Variants in BIRC6 observed in about 807,000 individuals in gnomAD.
BIRC6 encodes the protein dual E2 ubiquitin-conjugating enzyme/E3 ubiquitin-protein ligase BIRC6.
A neutral mutation model predicts 503.3 loss-of-function variants in BIRC6; 98 were observed. That is an observed-to-expected ratio of 0.19 (90% confidence interval 0.17 to 0.23). The LOEUF is 0.23. Ranked by LOEUF, BIRC6 falls within the 10% of genes least tolerant of loss-of-function variation. The pLI is 1.00. For missense variants in BIRC6, 5,360 were observed against 5,806.0 expected, an observed-to-expected ratio of 0.92 and a Z score of 2.50; for synonymous variants, 2,240 against 2,078.7, an observed-to-expected ratio of 1.08 and a Z score of -2.11.
intron 33 of BIRC6, among the ~76,000 whole-genome samples, chr2:32,473,904 C>T (rs916671069): frequency 2.6e-5 from 4 of 151,696 alleles, no homozygotes; most frequent in Non-Finnish European, 5.9e-5. Context: ...CAGCTGTGTG[C>T]CACAGTGCCA....
chr2:32,529,599 AG>A, intron 59 of BIRC6, 51 bp from the exon 60 acceptor site: 1 of 1,422,314 alleles, frequency 7.0e-7, no homozygotes, highest in Non-Finnish European at 9.4e-7. Flanking sequence ...AATTAAACCA[AG>A]TAAATGTTTC....
At chr2:32,573,949 T>C (rs982770382) in intron 65 of BIRC6, among the ~76,000 whole-genome samples, 2 of 152,196 alleles carry the variant, frequency 1.3e-5, no homozygotes, top group African/African-American at 4.8e-5. Context: ...TAACTAGATA[T>C]TTAGTTACAT....
chr2:32,369,706 G>T (rs889339878), intron 1 of BIRC6, among the ~76,000 whole-genome samples: 1 of 151,720 alleles, frequency 6.6e-6, no homozygotes. Context: ...GGGATTACGG[G>T]CATGAGCCAT....
chr2:32,397,662 G>GTA (rs200966682), intron 6 of BIRC6, among the ~76,000 whole-genome samples: 10,876 of 138,588 alleles, frequency 0.078, 552 homozygotes, highest in Admixed American at 0.16. Flanking sequence ...ACATATATGT[G>GTA]TATATATATA....
At chr2:32,369,940 AAAAAAATATAT>A (rs1385657151) in intron 1 of BIRC6, among the ~76,000 whole-genome samples, 318 of 49,976 alleles carry the variant, frequency 6.4e-3, no homozygotes, top group African/African-American at 0.033. Context: ...AAAAAAAAAA[AAAAAAATATAT>A]ATATATATAT....
At chr2:32,565,209 C>A (rs777396303) in intron 65 of BIRC6, 2 of 152,106 alleles carry the variant, frequency 1.3e-5, no homozygotes, top group Non-Finnish European at 2.9e-5. Flanking sequence ...GTTTTAGAAC[C>A]TTACAGTGGA....
At chr2:32,442,275 T>TA in intron 18 of BIRC6, 49 bp downstream of exon 18, 1 of 1,606,868 alleles carries the variant, frequency 6.2e-7, no homozygotes, top group Non-Finnish European at 8.5e-7. Context: ...TTTTAGATGT[T>TA]ATGATTGAAA....
chr2:32,515,861 G>T lies in BIRC6; in HGVS notation c.11349+91G>T, dbSNP rs933670860. ...CCAGGTAATAATAAATTTAGTGAGG[G>T]TTGAGTGCCTTTAAGGATCTGAATT... On this transcript the variant is annotated intron_variant, in intron 55 of 73. Transcript: ENST00000421745. 12 of 1,205,530 alleles carry T rather than the reference G, an allele frequency of 1.0e-5. No individual in the cohort carries two copies. In the African/African-American group the frequency reaches 1.4e-4, roughly 14 times the overall value. 74.7% of individuals were successfully genotyped at this position (1,205,530 alleles called of 1,614,324 possible). A position where few individuals can be genotyped will look rare whatever the true frequency, so the allele number is the denominator to read the frequency against.
intron 60 of BIRC6, 65 bp from the exon 61 acceptor site, chr2:32,531,290 A>G (rs2056732232): frequency 1.5e-6 from 2 of 1,362,632 alleles, no homozygotes; most frequent in Non-Finnish European, 2.0e-6. Flanking sequence ...GCTTTTGTAA[A>G]TGAAAGAATA....
chr2:32,448,713 A>G, intron 21 of BIRC6, 82 bp from the exon 22 acceptor site: 1 of 1,332,784 alleles, frequency 7.5e-7, no homozygotes, highest in Non-Finnish European at 1.0e-6. Flanking sequence ...TGTTAGTCAG[A>G]CTGCTTTTAA....
chr2:32,588,461 G>T (rs1376220235), intron 66 of BIRC6, among the ~76,000 whole-genome samples: 2 of 152,078 alleles, frequency 1.3e-5, no homozygotes, highest in African/African-American at 2.4e-5. Flanking sequence ...GTAGATTAGG[G>T]CAATGTCTTG....
intron 45 of BIRC6, among the ~76,000 whole-genome samples, chr2:32,495,752 T>G (rs913324872): frequency 3.3e-5 from 5 of 152,070 alleles, no homozygotes; most frequent in Non-Finnish European, 7.4e-5. Flanking sequence ...ATTTTATGTT[T>G]TATATTTAGG....
At chr2:32,604,435 A>G (rs1338347730) in intron 71 of BIRC6, among the ~76,000 whole-genome samples, 3 of 152,214 alleles carry the variant, frequency 2.0e-5, no homozygotes, top group African/African-American at 7.2e-5. Context: ...ATTCCCTAAA[A>G]TATGTATTAT....
At chr2:32,609,445 A>G (rs531628331) in intron 72 of BIRC6, among the ~76,000 whole-genome samples, 1 of 152,276 alleles carries the variant, frequency 6.6e-6, no homozygotes, top group South Asian at 2.1e-4. Context: ...CTTTCTTAAA[A>G]TTGTTTCACT....
rs554781092 is a variant in BIRC6, at chr2:32,518,406, T to G, written c.11493+9T>G. On this transcript the variant is annotated intron_variant, in intron 56 of 73. Coordinates refer to ENST00000421745, the MANE Select transcript of BIRC6 (RefSeq NM_016252.4). ...TTCAGTCTCCATGTCCAGTGAGTATTTAACACTTAATCATTGGCTGTGTAT... is the reference window on the plus strand; with the variant it reads ...TTCAGTCTCCATGTCCAGTGAGTATGTAACACTTAATCATTGGCTGTGTAT... 2 of 1,600,804 alleles carry G rather than the reference T, an allele frequency of 1.2e-6. No individual in the cohort carries two copies. Among genetic ancestry groups the G allele is most frequent in the South Asian group, 2.3e-5 (2 of 88,044 alleles).
intron 59 of BIRC6, chr2:32,528,265 C>A (rs1433290065): frequency 1.3e-5 from 2 of 152,126 alleles, no homozygotes; most frequent in East Asian, 3.9e-4. Flanking sequence ...CTCTTGTTGC[C>A]CAGGCTGGAG....
chr2:32,373,857 A>G (rs1427852324), intron 1 of BIRC6, among the ~76,000 whole-genome samples: 1 of 152,250 alleles, frequency 6.6e-6, no homozygotes, highest in East Asian at 1.9e-4. Flanking sequence ...GTCCATTGAT[A>G]GTTGAATGGA....
intron 1 of BIRC6, among the ~76,000 whole-genome samples, chr2:32,376,125 G>T (rs1038215647): frequency 1.3e-5 from 2 of 150,424 alleles, no homozygotes; most frequent in African/African-American, 4.9e-5. Context: ...GGCAGAGCTT[G>T]CAGTGAGCCG....
intron 65 of BIRC6, among the ~76,000 whole-genome samples, chr2:32,566,752 G>A (rs771126987): frequency 1.3e-5 from 2 of 152,060 alleles, no homozygotes; most frequent in African/African-American, 2.4e-5. Flanking sequence ...CTGCAGCATA[G>A]ATATTTTCAT....
Sources: gnomAD v4.1 joint callset for allele counts (sites outside exome capture counted in the v4.1 genomes callset) on GRCh38, gnomAD v4.1.1 for gene constraint, MANE v1.5 for transcripts, NCBI Gene and HGNC (gene_info 2026-07-23, HGNC 2026-07-21) for gene names.